Variants in CFAP61 observed in about 807,000 individuals in gnomAD.
CFAP61 encodes the protein cilia- and flagella-associated protein 61.
In CFAP61, 107 loss-of-function variants were observed where a neutral mutation model predicts 135.6. The observed-to-expected ratio is 0.79, with a 90% CI of 0.67 to 0.93. CFAP61 has a LOEUF of 0.93. Among genes scored for constraint, CFAP61 ranks in the 40% least tolerant of loss-of-function variants. CFAP61 has a pLI of 0.00. For synonymous variants in CFAP61, 575 were observed against 578.5 expected (o/e 0.99, Z 0.09); for missense variants, 1,507 against 1,556.2 (o/e 0.97, Z 0.53).
chr20:20,163,263 T>C (rs1263632181), intron 10 of CFAP61, among the ~76,000 whole-genome samples: 2 of 152,158 alleles, frequency 1.3e-5, no homozygotes, highest in East Asian at 3.9e-4. Context: ...TTATGACACC[T>C]TTTTAGGTGC....
chr20:20,146,533 G>A (rs1338997900), intron 9 of CFAP61, among the ~76,000 whole-genome samples: 2 of 152,076 alleles, frequency 1.3e-5, no homozygotes, highest in East Asian at 3.9e-4. Flanking sequence ...TTTAGGCTAG[G>A]CTCTAGTTAT....
rs376400957 is a variant in CFAP61, at chr20:20,269,364, C to CAT, written c.2503+6246_2503+6247dup. ...ACATACACATATATGTATATGTGTA[C>CAT]ATATATATATATACACACACATATA... is the stretch of plus-strand genomic sequence containing the variant. On this transcript the variant is annotated intron_variant, in intron 21 of 26. Transcript: ENST00000245957. Among the ~76,000 whole-genome samples the CAT allele has an allele frequency of 3.9e-3, 579 of 149,990 alleles. 6 individuals are homozygous for CAT. Among genetic ancestry groups the CAT allele is most frequent in the African/African-American group, 9.6e-3 (393 of 40,906 alleles).
At chr20:20,342,482 A>T (rs553490559) in intron 26 of CFAP61, among the ~76,000 whole-genome samples, 1 of 152,342 alleles carries the variant, frequency 6.6e-6, no homozygotes, top group African/African-American at 2.4e-5. Context: ...GTGAAACTTT[A>T]AGTTAAAATA....
In CFAP61 at chr20:20,128,751, T is replaced by A. The variant is rs1600824425; in HGVS notation, c.860-14106T>A. 2.0e-5 allele frequency among the ~76,000 whole-genome samples: 3 copies of A among 151,848 alleles called. No individual in the cohort carries two copies. In the South Asian group the frequency reaches 6.2e-4, roughly 31 times the overall value. On this transcript the variant is annotated intron_variant, in intron 8 of 26. Transcript: ENST00000245957. Reference sequence around the variant, plus strand: ...CTATTGCTTACTTTTCTGCTTTTTATTTTTAGTGTATCTATGATAGGTTTT... The same window carrying A: ...CTATTGCTTACTTTTCTGCTTTTTAATTTTAGTGTATCTATGATAGGTTTT...
chr20:20,078,155 T>C (rs938084046), intron 6 of CFAP61, among the ~76,000 whole-genome samples: 21 of 152,378 alleles, frequency 1.4e-4, no homozygotes, highest in South Asian at 8.3e-4. Flanking sequence ...GTTTTCATGT[T>C]AATCCTGGTC....
At chr20:20,120,202 C>T (rs1167392011) in intron 8 of CFAP61, among the ~76,000 whole-genome samples, 1 of 152,098 alleles carries the variant, frequency 6.6e-6, no homozygotes, top group African/African-American at 2.4e-5. Flanking sequence ...TCTTGCTTTT[C>T]TAGTTTCTTG....
rs114854538 is a variant in CFAP61 at position 20,215,610 on chromosome 20, A to G, written c.1933-12639A>G. On this transcript the variant is annotated intron_variant, in intron 17 of 26. Transcript: ENST00000245957. ...AAGTTAAAATAGTTTAATTGCAATC[A>G]TCACTGACTAATCCATTAAGGATTT... is the stretch of plus-strand genomic sequence containing the variant. 5.5e-3 allele frequency among the ~76,000 whole-genome samples: 833 copies of G among 152,300 alleles called. 6 individuals carry two copies. The highest frequency in any genetic ancestry group is 0.019 in the African/African-American group (793 of 41,568).
At chr20:20,097,320 T>G (rs1270293552) in intron 7 of CFAP61, among the ~76,000 whole-genome samples, 2 of 152,212 alleles carry the variant, frequency 1.3e-5, no homozygotes, top group Non-Finnish European at 1.5e-5. Flanking sequence ...AAATGCAGGT[T>G]TCTAATAAGA....
chr20:20,313,003 G>A lies in CFAP61; in HGVS notation c.3422+14617G>A, dbSNP rs184068942. On this transcript the variant is annotated intron_variant, in intron 25 of 26. Coordinates refer to ENST00000245957, the MANE Select transcript of CFAP61 (RefSeq NM_015585.4). ...ACTGTCTTCCAACTGATAGCCTTGC[G>A]TATAGCCCCAATGCTGTGGACTGAA... Among the ~76,000 whole-genome samples the A allele has an allele frequency of 2.1e-4, 32 of 152,228 alleles. No individual in the cohort carries two copies. The East Asian group carries it at 4.6e-3, about 22-fold the overall frequency.
At chr20:20,257,538 C>A (rs1212579290) in intron 20 of CFAP61, among the ~76,000 whole-genome samples, 1 of 148,728 alleles carries the variant, frequency 6.7e-6, no homozygotes, top group Non-Finnish European at 1.5e-5. Context: ...TCACTTGAAC[C>A]AGGAGGCAGA....
At chr20:20,157,187 C>T (rs2052988394) in intron 9 of CFAP61, among the ~76,000 whole-genome samples, 1 of 152,182 alleles carries the variant, frequency 6.6e-6, no homozygotes, top group Non-Finnish European at 1.5e-5. Context: ...ATACTCATGC[C>T]TCAGCCTTCC....
intron 24 of CFAP61, among the ~76,000 whole-genome samples, chr20:20,295,977 G>T (rs560651916): frequency 7.5e-6 from 1 of 132,592 alleles, no homozygotes; most frequent in African/African-American, 2.8e-5. Flanking sequence ...GCACACCAAC[G>T]CCTGCATGCT....
At chr20:20,163,967 G>A (rs2053613742) in intron 10 of CFAP61, 83 bp from the exon 11 acceptor site, 2 of 1,167,728 alleles carry the variant, frequency 1.7e-6, no homozygotes, top group Non-Finnish European at 2.4e-6. Context: ...ACGGTGTCAT[G>A]TAGAGATAAT....
intron 8 of CFAP61, among the ~76,000 whole-genome samples, chr20:20,108,727 G>C (rs1401784544): frequency 6.6e-6 from 1 of 151,548 alleles, no homozygotes; most frequent in South Asian, 2.1e-4. Flanking sequence ...TTGCAGATAC[G>C]TTTTTTTCTT....
At chr20:20,117,211 G>C (rs111436332) in intron 8 of CFAP61, among the ~76,000 whole-genome samples, 2,110 of 152,194 alleles carry the variant, frequency 0.014, 48 homozygotes, top group African/African-American at 0.049. Flanking sequence ...AGGTATAGTG[G>C]CACACGCCTG....
At chr20:20,247,886 A>T (rs1008330740) in intron 19 of CFAP61, among the ~76,000 whole-genome samples, 1 of 152,018 alleles carries the variant, frequency 6.6e-6, no homozygotes, top group Non-Finnish European at 1.5e-5. Context: ...TGAAGCCAAC[A>T]CCCCAACACA....
chr20:20,322,600 A>G, intron 25 of CFAP61: 2 of 664,996 alleles, frequency 3.0e-6, no homozygotes, highest in Non-Finnish European at 1.9e-6. Context: ...GGGAAGTGGT[A>G]TATATTTGCC....
At chr20:20,209,071 G>T (rs1222833050) in intron 17 of CFAP61, among the ~76,000 whole-genome samples, 1 of 152,098 alleles carries the variant, frequency 6.6e-6, no homozygotes, top group Non-Finnish European at 1.5e-5. Context: ...GCATTTAATC[G>T]GTGCTTGCCA....
chr20:20,126,037 G>T (rs1368503027), intron 8 of CFAP61, among the ~76,000 whole-genome samples: 1 of 151,706 alleles, frequency 6.6e-6, no homozygotes, highest in Non-Finnish European at 1.5e-5. Flanking sequence ...AGCTACCCCT[G>T]CTTGCTTTTG....
Sources: gnomAD v4.1 joint callset for allele counts (sites outside exome capture counted in the v4.1 genomes callset) on GRCh38, gnomAD v4.1.1 for gene constraint, MANE v1.5 for transcripts, NCBI Gene and HGNC (gene_info 2026-07-23, HGNC 2026-07-21) for gene names.